The following NFIB variants were observed in gnomAD, a reference collection of about 807,000 sequenced individuals.
NFIB encodes nuclear factor 1 B-type.
In NFIB, 11 loss-of-function variants were observed where a neutral mutation model predicts 61.5. The observed-to-expected ratio is 0.18, with a 90% CI of 0.11 to 0.30. NFIB has a LOEUF of 0.30. Among genes scored for constraint, NFIB ranks in the 10% least tolerant of loss-of-function variants. NFIB has a pLI of 1.00. For synonymous variants in NFIB, 260 were observed against 216.5 expected, an observed-to-expected ratio of 1.20 and a Z score of -1.76; for missense variants, 471 against 608.9, an observed-to-expected ratio of 0.77 and a Z score of 2.38.
intron 2 of NFIB, among the ~76,000 whole-genome samples, chr9:14,253,742 A>G (rs1359239356): frequency 2.0e-5 from 3 of 152,176 alleles, no homozygotes; most frequent in Non-Finnish European, 2.9e-5. Flanking sequence ...GAGACTACGT[A>G]ATAACCTGGG....
At chr9:14,385,442 T>C (rs1326058382) in intron 1 of NFIB, among the ~76,000 whole-genome samples, 2 of 152,212 alleles carry the variant, frequency 1.3e-5, no homozygotes, top group African/African-American at 4.8e-5. Flanking sequence ...AAACACATAT[T>C]ATTTGTAAAA....
At chr9:14,441,469 C>T in the NFIB span, among the ~76,000 whole-genome samples, 5 of 152,114 alleles carry the variant, frequency 3.3e-5, no homozygotes, top group South Asian at 6.2e-4. Context: ...AAACCTTATG[C>T]GGTGATTTTT....
chr9:14,207,944 G>A (rs2049915683), intron 2 of NFIB, among the ~76,000 whole-genome samples: 1 of 152,140 alleles, frequency 6.6e-6, no homozygotes. Context: ...CATTTCCTTG[G>A]TTGAATTTAG....
the NFIB span, among the ~76,000 whole-genome samples, chr9:14,416,023 C>T: frequency 1.8e-3 from 273 of 152,170 alleles, 2 homozygotes; most frequent in African/African-American, 6.5e-3. Context: ...AAAGAAGAAC[C>T]AGGGAGAAAT....
intron 2 of NFIB, among the ~76,000 whole-genome samples, chr9:14,249,944 T>C (rs1009567481): frequency 1.3e-5 from 2 of 152,142 alleles, no homozygotes; most frequent in Non-Finnish European, 2.9e-5. Flanking sequence ...GTGGATACCA[T>C]TTCTGACTCC....
At chr9:14,321,581 G>A (rs1399107072) in intron 1 of NFIB, among the ~76,000 whole-genome samples, 4 of 152,176 alleles carry the variant, frequency 2.6e-5, no homozygotes, top group African/African-American at 9.7e-5. Flanking sequence ...AGTATCATTT[G>A]AACAGTAATT....
Position 14,289,081 on chromosome 9 carries a change from CGT to C in NFIB, c.562+17906_562+17907del, listed in dbSNP as rs58218572. Among the ~76,000 whole-genome samples, 92 of 142,400 alleles carry C rather than the reference CGT, an allele frequency of 6.5e-4. 1 individual carries two copies. The East Asian group carries it at 0.011, about 18-fold the overall frequency. 93.4% of individuals were successfully genotyped at this position (142,400 alleles called of 152,430 possible). A position where few individuals can be genotyped will look rare whatever the true frequency, so the allele number is the denominator to read the frequency against. On this transcript the variant is annotated intron_variant, in intron 2 of 10. Coordinates refer to ENST00000380953, the MANE Select transcript of NFIB (RefSeq NM_001190737.2). ...TTATTAGTCATTAGATTTTCCAAAG[CGT>C]GTGTGTGTGTGTGTGTGTGTGTATG...
rs2037785811 is a variant in NFIB at position 14,114,092 on chromosome 9, T to A, written c.1385-1011A>T. On this transcript the variant is annotated intron_variant, in intron 9 of 10. Coordinates refer to ENST00000380953, the MANE Select transcript of NFIB (RefSeq NM_001190737.2). ...ATTAATGAGGAATCCAGGCTTCATT[T>A]TAAATGAACTGGCTTTCTAAAACCA... is the stretch of plus-strand genomic sequence containing the variant. Among the ~76,000 whole-genome samples, 2 of 152,210 alleles carry A rather than the reference T, an allele frequency of 1.3e-5. 1 individual carries two copies. The highest frequency in any genetic ancestry group is 4.8e-5 in the African/African-American group (2 of 41,456).
chr9:14,224,635 A>T (rs2052133376), intron 2 of NFIB, among the ~76,000 whole-genome samples: 1 of 152,252 alleles, frequency 6.6e-6, no homozygotes, highest in Admixed American at 6.5e-5. Flanking sequence ...TATTGTAAGT[A>T]GAGATGAATT....
chr9:14,108,905 T>C (rs1355295283), intron 10 of NFIB, among the ~76,000 whole-genome samples: 1 of 152,086 alleles, frequency 6.6e-6, no homozygotes, highest in Admixed American at 6.6e-5. Context: ...CTTTTATTTC[T>C]AAACAAGAAG....
intron 2 of NFIB, chr9:14,306,032 A>T: frequency 1.0e-6 from 1 of 954,148 alleles, no homozygotes. Flanking sequence ...CTTAAGGAAA[A>T]TATATTAAGA....
chr9:14,141,189 A>C (rs2041660403), intron 6 of NFIB, among the ~76,000 whole-genome samples: 1 of 152,222 alleles, frequency 6.6e-6, no homozygotes, highest in South Asian at 2.1e-4. Context: ...ATTATCAAAA[A>C]TAAATCTCTA....
the NFIB span, among the ~76,000 whole-genome samples, chr9:14,530,561 G>C: frequency 6.6e-6 from 1 of 152,256 alleles, no homozygotes; most frequent in South Asian, 2.1e-4. Flanking sequence ...GTGCAGAGAA[G>C]GACTCAGCTT....
At chr9:14,495,110 T>C in the NFIB span, among the ~76,000 whole-genome samples, 5 of 152,232 alleles carry the variant, frequency 3.3e-5, no homozygotes, top group African/African-American at 1.2e-4. Flanking sequence ...CAAAATGATC[T>C]GCTACTTGTT....
chr9:14,135,540 C>A (rs890674451), intron 6 of NFIB, among the ~76,000 whole-genome samples: 3 of 152,254 alleles, frequency 2.0e-5, no homozygotes, highest in African/African-American at 7.2e-5. Flanking sequence ...AAGTCCTTCC[C>A]ACACACTCCA....
chr9:14,346,988 A>AG (rs2061031444), intron 1 of NFIB, among the ~76,000 whole-genome samples: 1 of 152,036 alleles, frequency 6.6e-6, no homozygotes. Context: ...AACAGGACCT[A>AG]GGTCTCCTAG....
chr9:14,109,211 ATAATTTCTATATTTCCTAAG>A (rs2036991839), intron 10 of NFIB, among the ~76,000 whole-genome samples: 1 of 152,084 alleles, frequency 6.6e-6, no homozygotes, highest in African/African-American at 2.4e-5. Context: ...GAATTATAAA[ATAATTTCTATATTTCCTAAG>A]CAACATCCAA....
chr9:14,154,385 T>A (rs1356781756), intron 4 of NFIB, among the ~76,000 whole-genome samples: 1 of 152,120 alleles, frequency 6.6e-6, no homozygotes, highest in African/African-American at 2.4e-5. Flanking sequence ...AAGAAGAGTA[T>A]GGGGAAGACA....
At chr9:14,356,554 C>T (rs1318567329) in intron 1 of NFIB, among the ~76,000 whole-genome samples, 1 of 152,012 alleles carries the variant, frequency 6.6e-6, no homozygotes, top group South Asian at 2.1e-4. Flanking sequence ...AAAACAGCAC[C>T]GAGACAGAGC....
Sources: allele counts gnomAD v4.1 joint callset (sites outside exome capture counted in the v4.1 genomes callset), GRCh38; gene constraint gnomAD v4.1.1; transcripts MANE v1.5; gene names NCBI Gene and HGNC (gene_info 2026-07-23, HGNC 2026-07-21).